Variants in CAMSAP2 observed in about 807,000 individuals in gnomAD.
CAMSAP2 encodes the protein calmodulin regulated spectrin associated protein family member 2, also known as calmodulin-regulated spectrin-associated protein 2.
CAMSAP2 carries 26 observed loss-of-function variants against 146.1 expected under a neutral mutation model. The observed-to-expected ratio is 0.18, with a 90% CI of 0.13 to 0.25. The LOEUF (loss-of-function observed/expected upper bound fraction) is 0.25. CAMSAP2 is among the 10% of genes least tolerant of loss of function. CAMSAP2 has a pLI of 1.00. For missense variants in CAMSAP2, 1,381 were observed against 1,759.3 expected (o/e 0.78, Z 3.85); for synonymous variants, 499 against 596.6 (o/e 0.84, Z 2.38).
In CAMSAP2 at chr1:200,853,526, A is replaced by C. The variant is rs749247236; in HGVS notation, c.3823+31A>C. The C allele has an allele frequency of 2.0e-6, 3 of 1,502,754 alleles. No homozygotes were observed. The Admixed American group carries it at 5.3e-5, about 27-fold the overall frequency. The allele number at this position is 1,502,754 out of a possible 1,614,324, so 93.1% of individuals were successfully genotyped here. ...ATAGCTTATTATGAAGAGTCTGTTC[A>C]TAAAAAACACCAGCTTGATTGGTTT... is the stretch of plus-strand genomic sequence containing the variant. On this transcript the variant is annotated intron_variant, in intron 13 of 16. Coordinates refer to ENST00000358823, the MANE Select transcript of CAMSAP2 (RefSeq NM_203459.4). This position sits in a 1 kb window ranked among gnomAD's most constrained non-coding sequence, Gnocchi z 5.1.
chr1:200,858,105 T>C lies in CAMSAP2; in HGVS notation c.*46T>C. Reference sequence around the variant, plus strand: ...CAGAACATTCATGGTAAATTTGCACTTCATCTTTCCTGCCTATAGAAAATC... The same window carrying C: ...CAGAACATTCATGGTAAATTTGCACCTCATCTTTCCTGCCTATAGAAAATC... On this transcript the variant is annotated 3_prime_UTR_variant, in exon 17 of 17. Transcript: ENST00000358823. 6.8e-7 allele frequency: 1 copy of C among 1,465,680 alleles called. No homozygotes were observed. The highest frequency in any genetic ancestry group is 9.2e-7 in the Non-Finnish European group (1 of 1,092,202). 90.8% of individuals were successfully genotyped at this position (1,465,680 alleles called of 1,614,324 possible). A position where few individuals can be genotyped will look rare whatever the true frequency, so the allele number is the denominator to read the frequency against.
chr1:200,757,654 A>G (rs1439856157), intron 1 of CAMSAP2, among the ~76,000 whole-genome samples: 2 of 152,008 alleles, frequency 1.3e-5, no homozygotes, highest in Non-Finnish European at 2.9e-5. Context: ...GTTTTATACC[A>G]TTGGTAAAAT....
intron 2 of CAMSAP2, among the ~76,000 whole-genome samples, chr1:200,792,317 A>T (rs374751623): frequency 6.6e-6 from 1 of 152,240 alleles, no homozygotes; most frequent in Non-Finnish European, 1.5e-5. Flanking sequence ...GAAATGAACT[A>T]TTGATACATA....
chr1:200,798,931 G>C (rs1224894107), intron 2 of CAMSAP2, among the ~76,000 whole-genome samples: 1 of 151,590 alleles, frequency 6.6e-6, no homozygotes, highest in Non-Finnish European at 1.5e-5. Context: ...ATAATCATGT[G>C]GTTTTTGTCT....
At chr1:200,828,393 G>A (rs1666957086) in intron 4 of CAMSAP2, among the ~76,000 whole-genome samples, 1 of 152,104 alleles carries the variant, frequency 6.6e-6, no homozygotes, top group Non-Finnish European at 1.5e-5. Context: ...GTGGTCTTTA[G>A]CATTAGGAAC....
chr1:200,857,531 A>T lies in CAMSAP2; in HGVS notation c.4131+107A>T. ...TAGACTTTCAACAGCATGTAAAAAG[A>T]TCTGTAGCTAGATGTTTTAATTATC... On this transcript the variant is annotated intron_variant, in intron 16 of 16. Transcript: ENST00000358823. This position sits in a 1 kb window ranked among gnomAD's most constrained non-coding sequence, Gnocchi z 4.7. The T allele has an allele frequency of 1.2e-6, 1 of 838,618 alleles. No homozygotes were observed. The highest frequency in any genetic ancestry group is 1.7e-5 in the African/African-American group (1 of 57,888). 51.9% of individuals were successfully genotyped at this position (838,618 alleles called of 1,614,324 possible). A position where few individuals can be genotyped will look rare whatever the true frequency, so the allele number is the denominator to read the frequency against.
At position 200,816,749 on chromosome 1, in the gene CAMSAP2, TGTATATATGTGTGTACAC is replaced by T. The variant is rs1558190830; in HGVS notation, c.645+1106_645+1123del. Among the ~76,000 whole-genome samples, 4 of 108,386 alleles carry T rather than the reference TGTATATATGTGTGTACAC, an allele frequency of 3.7e-5. 1 individual carries two copies. Among genetic ancestry groups the T allele is most frequent in the Admixed American group, 1.8e-4 (2 of 11,226 alleles). 71.1% of individuals were successfully genotyped at this position (108,386 alleles called of 152,430 possible). On this transcript the variant is annotated intron_variant, in intron 4 of 16. Coordinates refer to ENST00000358823, the MANE Select transcript of CAMSAP2 (RefSeq NM_203459.4). ...ATATATGTGTGTACACACACACGCGTGTATATATGTGTGTACACACACACGCGTGTATATATGTGTGTA... is the reference window on the plus strand; with the variant it reads ...ATATATGTGTGTACACACACACGCGTACACACGCGTGTATATATGTGTGTA...
At chr1:200,813,497 C>G (rs1666391005) in intron 3 of CAMSAP2, among the ~76,000 whole-genome samples, 1 of 152,192 alleles carries the variant, frequency 6.6e-6, no homozygotes, top group Non-Finnish European at 1.5e-5. Flanking sequence ...TGTTCTATCT[C>G]CCCTGCTTCA....
intron 4 of CAMSAP2, among the ~76,000 whole-genome samples, chr1:200,830,404 T>TC (rs1438121504): frequency 1.3e-5 from 2 of 152,238 alleles, no homozygotes; most frequent in Non-Finnish European, 2.9e-5. Context: ...AATCACATAA[T>TC]TCAATTCTTT....
chr1:200,852,175 T>C (rs1667635977), intron 11 of CAMSAP2, among the ~76,000 whole-genome samples: 1 of 152,266 alleles, frequency 6.6e-6, no homozygotes, highest in African/African-American at 2.4e-5. Context: ...ACTGAGCTTA[T>C]ATTTTAAATA....
At chr1:200,854,062 T>C (rs1667689467) in intron 13 of CAMSAP2, among the ~76,000 whole-genome samples, 1 of 152,176 alleles carries the variant, frequency 6.6e-6, no homozygotes, top group Admixed American at 6.5e-5. Flanking sequence ...CACTGCAGCC[T>C]CCACCTCCCT....
intron 3 of CAMSAP2, among the ~76,000 whole-genome samples, chr1:200,810,173 T>C (rs1002700053): frequency 1.3e-5 from 2 of 152,224 alleles, no homozygotes; most frequent in African/African-American, 4.8e-5. Context: ...CAGGAGAGTC[T>C]GCATTTCTAA....
chr1:200,787,391 G>A (rs531941771), intron 2 of CAMSAP2, among the ~76,000 whole-genome samples: 10 of 152,220 alleles, frequency 6.6e-5, no homozygotes, highest in African/African-American at 2.4e-4. Context: ...TGACTTTAAG[G>A]GGTTCAGTAC....
chr1:200,776,076 GCTT>G (rs764470041), intron 2 of CAMSAP2, among the ~76,000 whole-genome samples: 122 of 151,854 alleles, frequency 8.0e-4, no homozygotes, highest in Admixed American at 1.8e-3. Flanking sequence ...ACTTTCAGAA[GCTT>G]CTTTTTTATA....
chr1:200,778,866 A>AT (rs1322803752), intron 2 of CAMSAP2, among the ~76,000 whole-genome samples: 167 of 151,894 alleles, frequency 1.1e-3, no homozygotes, highest in African/African-American at 3.8e-3. Flanking sequence ...GGTCCAAGCC[A>AT]TTTTTTTTGC....
intron 3 of CAMSAP2, among the ~76,000 whole-genome samples, chr1:200,809,146 A>G (rs1666259405): frequency 6.6e-6 from 1 of 152,048 alleles, no homozygotes; most frequent in African/African-American, 2.4e-5. Flanking sequence ...CCCTTTCCCT[A>G]CTACTGTCAG....
intron 4 of CAMSAP2, among the ~76,000 whole-genome samples, chr1:200,826,888 A>G (rs57383462): frequency 4.0e-4 from 61 of 152,266 alleles, no homozygotes; most frequent in African/African-American, 1.4e-3. Flanking sequence ...GAAAAAAAAA[A>G]TCAAAAAACC....
chr1:200,842,912 G>T (rs2102238231), intron 7 of CAMSAP2, among the ~76,000 whole-genome samples: 1 of 150,934 alleles, frequency 6.6e-6, no homozygotes, highest in South Asian at 2.1e-4. Context: ...GGAGGCAGAG[G>T]TTGCAGTGAG....
At chr1:200,802,693 T>A (rs963734377) in intron 2 of CAMSAP2, among the ~76,000 whole-genome samples, 2 of 152,210 alleles carry the variant, frequency 1.3e-5, no homozygotes, top group Non-Finnish European at 2.9e-5. Flanking sequence ...TTTTAAGTTC[T>A]ATGTCTAAAT....
Sources: gnomAD v4.1 joint callset for allele counts (sites outside exome capture counted in the v4.1 genomes callset) on GRCh38, gnomAD v4.1.1 for gene constraint, Gnocchi (gnomAD v3.1) non-coding constraint, MANE v1.5 for transcripts, NCBI Gene and HGNC (gene_info 2026-07-23, HGNC 2026-07-21) for gene names.